BRIP1: variants seen among roughly 807,000 people sequenced by gnomAD.
The protein encoded by BRIP1 is BRCA1 interacting DNA helicase 1, also known as Fanconi anemia group J protein.
BRIP1 carries 88 observed loss-of-function variants against 119.7 expected under a neutral mutation model. The observed-to-expected ratio is 0.74, with a 90% CI of 0.62 to 0.88. The LOEUF (loss-of-function observed/expected upper bound fraction) is 0.88. Ranked by LOEUF, BRIP1 falls within the 40% of genes least tolerant of loss-of-function variation. The pLI is 0.00. For synonymous variants in BRIP1, 443 were observed against 496.5 expected, an observed-to-expected ratio of 0.89 and a Z score of 1.43; for missense variants, 1,259 against 1,455.4, an observed-to-expected ratio of 0.87 and a Z score of 2.20.
rs867432043 is a variant in BRIP1, at chr17:61,705,454, A to G, written c.2492+10497T>C. ...TGATTTATTTTCCTTTGGGCATATA[A>G]CCAGTAATGGGATTGCTGAGTTGAA... is the stretch of plus-strand genomic sequence containing the variant. On this transcript the variant is annotated intron_variant, in intron 17 of 19. Transcript: ENST00000259008. This position sits in a 1 kb window ranked among gnomAD's most constrained non-coding sequence, Gnocchi z 5.0. Among the ~76,000 whole-genome samples the G allele has an allele frequency of 5.3e-5, 8 of 152,240 alleles. No homozygotes were observed. Among genetic ancestry groups the G allele is most frequent in the South Asian group, 2.1e-4 (1 of 4,826 alleles).
rs1603364111 is a variant in BRIP1, at chr17:61,852,241, T to C, written c.380-2985A>G. On this transcript the variant is annotated intron_variant, in intron 4 of 19. Transcript: ENST00000259008. The surrounding 1 kb of genome is among the most constrained non-coding windows in gnomAD (Gnocchi z 4.9). ...TCACATACAAAAAGGCTTATCTTCC[T>C]GGTCTTGATAGCAAGGGAGTTTGAA... Among the ~76,000 whole-genome samples the C allele has an allele frequency of 1.3e-5, 2 of 152,230 alleles. No homozygotes were observed.
At position 61,830,221 on chromosome 17, in the gene BRIP1, A is replaced by C. The variant is rs2078470859; in HGVS notation, c.627+16880T>G. ...AGTGCTGGGATTACAGGGGTAAGCCACCATGCCTGGCCAAGTTTCAATCTT... is the reference window on the plus strand; with the variant it reads ...AGTGCTGGGATTACAGGGGTAAGCCCCCATGCCTGGCCAAGTTTCAATCTT... On this transcript the variant is annotated intron_variant, in intron 6 of 19. Coordinates refer to ENST00000259008, the MANE Select transcript of BRIP1 (RefSeq NM_032043.3). 2.0e-5 allele frequency among the ~76,000 whole-genome samples: 3 copies of C among 152,092 alleles called. No homozygotes were observed. In the South Asian group the frequency reaches 6.2e-4, roughly 32 times the overall value.
Position 61,743,575 on chromosome 17 carries a change from G to A in BRIP1, c.2258-441C>T, listed in dbSNP as rs1397666757. Among the ~76,000 whole-genome samples, 1 of 152,076 alleles carries A rather than the reference G, an allele frequency of 6.6e-6. No individual in the cohort carries two copies. On this transcript the variant is annotated intron_variant, in intron 15 of 19. Transcript: ENST00000259008. The surrounding 1 kb of genome is among the most constrained non-coding windows in gnomAD (Gnocchi z 4.3). ...TTTAAAAGTATTGAAAACAGACACA[G>A]AGAACACCATAATATATACACCATA...
rs757092716 is a variant in BRIP1, at chr17:61,776,802, T to C, written c.1936-240A>G. On this transcript the variant is annotated intron_variant, in intron 13 of 19. Transcript: ENST00000259008. This position sits in a 1 kb window ranked among gnomAD's most constrained non-coding sequence, Gnocchi z 5.0. ...AATTCTTTGAAAGCAAAACAGGTTG[T>C]ACCTGTCTCTGTTTACTTAATAGCT... is the stretch of plus-strand genomic sequence containing the variant. Among the ~76,000 whole-genome samples, 3 of 152,388 alleles carry C rather than the reference T, an allele frequency of 2.0e-5. No homozygotes were observed. The highest frequency in any genetic ancestry group is 2.9e-5 in the Non-Finnish European group (2 of 68,042).
At chr17:61,772,608 C>T (rs567440516) in intron 14 of BRIP1, among the ~76,000 whole-genome samples, 4 of 152,046 alleles carry the variant, frequency 2.6e-5, no homozygotes, top group South Asian at 2.1e-4. Context: ...CATCTGAGGT[C>T]GGGAGTTCAA....
Position 61,780,137 on chromosome 17 carries a change from C to T in BRIP1, c.1935+124G>A, listed in dbSNP as rs1350237599. 1 of 1,050,258 alleles carries T rather than the reference C, an allele frequency of 9.5e-7. No homozygotes were observed. The highest frequency in any genetic ancestry group is 1.4e-6 in the Non-Finnish European group (1 of 700,236). The allele number at this position is 1,050,258 out of a possible 1,614,324, so 65.1% of individuals were successfully genotyped here. A position where few individuals can be genotyped will look rare whatever the true frequency, so the allele number is the denominator to read the frequency against. On this transcript the variant is annotated intron_variant, in intron 13 of 19. Transcript: ENST00000259008. The surrounding 1 kb of genome is among the most constrained non-coding windows in gnomAD (Gnocchi z 5.4). ...TGACAGATTTTCTTTTATTGTAAAA[C>T]TGGAATGTTGAATTTCCTACCAAGA...
chr17:61,839,020 C>T (rs927397366), intron 6 of BRIP1, among the ~76,000 whole-genome samples: 1 of 151,968 alleles, frequency 6.6e-6, no homozygotes, highest in African/African-American at 2.4e-5. Context: ...AGTCACTTTG[C>T]AAAGACTAAG....
intron 17 of BRIP1, among the ~76,000 whole-genome samples, chr17:61,696,735 C>T (rs571307989): frequency 1.3e-5 from 2 of 151,154 alleles, no homozygotes; most frequent in Admixed American, 6.6e-5. Flanking sequence ...CCTGTAATCC[C>T]AGCACTTTGG....
At chr17:61,698,597 C>T (rs377515179) in intron 17 of BRIP1, among the ~76,000 whole-genome samples, 1 of 152,198 alleles carries the variant, frequency 6.6e-6, no homozygotes, top group African/African-American at 2.4e-5. Context: ...ATGGAAGTCT[C>T]CAAGTATTAC....
chr17:61,796,009 A>G lies in BRIP1; in HGVS notation c.1341-2280T>C, dbSNP rs933185331. On this transcript the variant is annotated intron_variant, in intron 9 of 19. Transcript: ENST00000259008. The surrounding 1 kb of genome is among the most constrained non-coding windows in gnomAD (Gnocchi z 4.8). ...ATCAGCAGAGAAATGCTGATCAATGATGTTGAGCACTTTTCATATGTCTGA... is the reference window on the plus strand; with the variant it reads ...ATCAGCAGAGAAATGCTGATCAATGGTGTTGAGCACTTTTCATATGTCTGA... 5.3e-5 allele frequency among the ~76,000 whole-genome samples: 8 copies of G among 152,126 alleles called. No individual in the cohort carries two copies. The South Asian group carries it at 1.2e-3, about 24-fold the overall frequency.
Position 61,716,038 on chromosome 17 carries a change from T to C in BRIP1, c.2405A>G (p.Asp802Gly), listed in dbSNP as rs876660273. 1 of 1,605,222 alleles carries C rather than the reference T, an allele frequency of 6.2e-7. No individual in the cohort carries two copies. The highest frequency in any genetic ancestry group is 8.5e-7 in the Non-Finnish European group (1 of 1,175,066). ...AAGACCTCTCAATTTTGAATGGTGG[T>C]CATTGTATTGTCGTTTTAGTTCAAC... The part of the protein sequence containing the change: ...LQVELKRQYN[D>G]HHSKLRGLLP... Residue 802 changes from aspartate (D) to glycine (G), a missense_variant, in exon 17 of 20, where the codon GAC becomes GGC. By Grantham distance (94) the Asp-to-Gly change is moderately conservative. This residue lies in a region of BRIP1 where 753 missense variants were observed against 891.8 expected (regional missense o/e 0.84). Transcript: ENST00000259008.
chr17:61,720,852 T>A lies in BRIP1; in HGVS notation c.2380-4789A>T, dbSNP rs1232406872. On this transcript the variant is annotated intron_variant, in intron 16 of 19. Coordinates refer to ENST00000259008, the MANE Select transcript of BRIP1 (RefSeq NM_032043.3). This position sits in a 1 kb window ranked among gnomAD's most constrained non-coding sequence, Gnocchi z 4.3. ...ACTCTATAACACTGTTAACTTTTTCTTTTTTTTTTGAGACAGAGTCTCGCT... is the reference window on the plus strand; with the variant it reads ...ACTCTATAACACTGTTAACTTTTTCATTTTTTTTTGAGACAGAGTCTCGCT... 6.7e-6 allele frequency among the ~76,000 whole-genome samples: 1 copy of A among 149,404 alleles called. No homozygotes were observed. Among genetic ancestry groups the A allele is most frequent in the East Asian group, 1.9e-4 (1 of 5,138 alleles).
At position 61,744,413 on chromosome 17, in the gene BRIP1, T is replaced by G. The variant is rs77851913; in HGVS notation, c.2257+19A>C. The G allele has an allele frequency of 7.6e-4, 1,219 of 1,610,502 alleles. 17 individuals carry two copies. In the East Asian group the frequency reaches 0.024, roughly 32 times the overall value. ...ATAAAAAATATTTTTTCACCGACCA[T>G]GAAATAATTTCCAGTTACCTTTCTC... On this transcript the variant is annotated intron_variant, in intron 15 of 19. Transcript: ENST00000259008. This position sits in a 1 kb window ranked among gnomAD's most constrained non-coding sequence, Gnocchi z 5.0.
chr17:61,696,945 C>T (rs1197805102), intron 17 of BRIP1, among the ~76,000 whole-genome samples: 4 of 137,684 alleles, frequency 2.9e-5, no homozygotes, highest in Admixed American at 1.6e-4. Context: ...GAGATTGCGC[C>T]GCTGTACTCC....
chr17:61,859,755 GATCCCA>G, intron 3 of BRIP1, 35 bp downstream of exon 3: 1 of 1,273,470 alleles, frequency 7.9e-7, no homozygotes, highest in Non-Finnish European at 1.2e-6. Context: ...TATTTTCTCA[GATCCCA>G]GTAAGTAACC....
rs955762191 is a variant in BRIP1, at chr17:61,775,621, A to T, written c.2097+780T>A. 1.3e-5 allele frequency among the ~76,000 whole-genome samples: 2 copies of T among 152,068 alleles called. No individual in the cohort carries two copies. Among genetic ancestry groups the T allele is most frequent in the African/African-American group, 4.8e-5 (2 of 41,408 alleles). The stretch of plus-strand genomic sequence containing the variant: ...TATACTAAATAATTTCAAATTAACT[A>T]AAAAAAATTATTAAAAATCAGTGAC... On this transcript the variant is annotated intron_variant, in intron 14 of 19. Coordinates refer to ENST00000259008, the MANE Select transcript of BRIP1 (RefSeq NM_032043.3). The surrounding 1 kb of genome is among the most constrained non-coding windows in gnomAD (Gnocchi z 4.4).
chr17:61,776,122 TC>T lies in BRIP1; in HGVS notation c.2097+278del. The T allele has an allele frequency of 2.5e-6, 1 of 396,094 alleles. No homozygotes were observed. Among genetic ancestry groups the T allele is most frequent in the Non-Finnish European group, 4.7e-6 (1 of 211,492 alleles). The allele number at this position is 396,094 out of a possible 1,614,324, so 24.5% of individuals were successfully genotyped here. On this transcript the variant is annotated intron_variant, in intron 14 of 19. Transcript: ENST00000259008. This position sits in a 1 kb window ranked among gnomAD's most constrained non-coding sequence, Gnocchi z 5.0. The stretch of plus-strand genomic sequence containing the variant: ...GTCTCGAACTCCTGGGCTCAAGTGA[TC>T]CTCCCAGCTCAGCCTCCCAACCTGC...
rs747604202 is a variant in BRIP1 at position 61,717,800 on chromosome 17, A to G, written c.2380-1737T>C. 6.6e-6 allele frequency among the ~76,000 whole-genome samples: 1 copy of G among 152,080 alleles called. No individual in the cohort carries two copies. The highest frequency in any genetic ancestry group is 2.4e-5 in the African/African-American group (1 of 41,442). On this transcript the variant is annotated intron_variant, in intron 16 of 19. Transcript: ENST00000259008. This position sits in a 1 kb window ranked among gnomAD's most constrained non-coding sequence, Gnocchi z 4.1. ...AAACTCTTCTTCTTAGACTCCAATTACAACTATATTAGACTACTTTATATT... is the reference window on the plus strand; with the variant it reads ...AAACTCTTCTTCTTAGACTCCAATTGCAACTATATTAGACTACTTTATATT...
intron 16 of BRIP1, among the ~76,000 whole-genome samples, chr17:61,733,281 C>T (rs554175536): frequency 7.2e-5 from 11 of 152,234 alleles, no homozygotes; most frequent in African/African-American, 1.4e-4. Flanking sequence ...CCCAGCTGCT[C>T]GGGAGCTGAG....
Sources: allele counts gnomAD v4.1 joint callset (sites outside exome capture counted in the v4.1 genomes callset), GRCh38; gene constraint gnomAD v4.1.1; regional missense constraint gnomAD v4.1.1; non-coding constraint Gnocchi (gnomAD v3.1); transcripts MANE v1.5; gene names NCBI Gene and HGNC (gene_info 2026-07-23, HGNC 2026-07-21).